KCNH5: variants seen among roughly 807,000 people sequenced by gnomAD.
The protein encoded by KCNH5 is potassium voltage-gated channel subfamily H member 5.
KCNH5 carries 46 observed loss-of-function variants against 96.1 expected under a neutral mutation model. The ratio of observed to expected loss-of-function variants is 0.48; its 90% CI spans 0.38 to 0.61. KCNH5 has a LOEUF of 0.61. Ranked by LOEUF, KCNH5 falls within the 20% of genes least tolerant of loss-of-function variation. The pLI is 0.00. For missense variants in KCNH5, 907 were observed against 1,225.8 expected, an observed-to-expected ratio of 0.74 and a Z score of 3.88; for synonymous variants, 439 against 449.8, an observed-to-expected ratio of 0.98 and a Z score of 0.30.
intron 8 of KCNH5, among the ~76,000 whole-genome samples, chr14:62,822,807 C>T (rs1198918215): frequency 6.6e-6 from 1 of 151,858 alleles, no homozygotes; most frequent in African/African-American, 2.4e-5. Context: ...TAGGTACACA[C>T]ATTAAAAGAA....
chr14:62,945,668 T>C (rs574067402), intron 7 of KCNH5, among the ~76,000 whole-genome samples: 3 of 152,020 alleles, frequency 2.0e-5, no homozygotes, highest in South Asian at 2.1e-4. Flanking sequence ...CAGGTTGGCA[T>C]TGAGGTGTTT....
At chr14:62,908,940 T>C (rs1457284295) in intron 7 of KCNH5, among the ~76,000 whole-genome samples, 1 of 150,638 alleles carries the variant, frequency 6.6e-6, no homozygotes, top group African/African-American at 2.4e-5. Flanking sequence ...CAGGTCCAAA[T>C]GACTCTTTGA....
chr14:62,791,159 G>T (rs1277857928), intron 9 of KCNH5, among the ~76,000 whole-genome samples: 1 of 151,566 alleles, frequency 6.6e-6, no homozygotes, highest in Non-Finnish European at 1.5e-5. Flanking sequence ...GGAAATGAAA[G>T]GATAATAACT....
At chr14:62,770,460 A>G (rs1039017340) in intron 10 of KCNH5, among the ~76,000 whole-genome samples, 1 of 152,220 alleles carries the variant, frequency 6.6e-6, no homozygotes, top group African/African-American at 2.4e-5. Context: ...GATTGCTACT[A>G]CGCTTCTCCA....
At chr14:62,856,608 C>T (rs1887934314) in intron 7 of KCNH5, among the ~76,000 whole-genome samples, 2 of 152,096 alleles carry the variant, frequency 1.3e-5, no homozygotes, top group Admixed American at 6.6e-5. Context: ...GAAATGGCTC[C>T]GGTTGGCCTT....
chr14:62,998,447 A>G (rs1402364435), intron 4 of KCNH5, among the ~76,000 whole-genome samples: 3 of 152,132 alleles, frequency 2.0e-5, no homozygotes, highest in African/African-American at 7.2e-5. Flanking sequence ...CCTGTTGCCC[A>G]GTTCATTGAT....
chr14:62,737,014 T>A (rs1310446246), intron 10 of KCNH5, among the ~76,000 whole-genome samples: 9 of 152,144 alleles, frequency 5.9e-5, no homozygotes, highest in Non-Finnish European at 1.3e-4. Flanking sequence ...CTCATATCCC[T>A]TGGATATCCA....
chr14:62,986,835 A>T (rs1423832114), intron 5 of KCNH5, among the ~76,000 whole-genome samples: 1 of 152,218 alleles, frequency 6.6e-6, no homozygotes, highest in Non-Finnish European at 1.5e-5. Flanking sequence ...GATATGCTCA[A>T]AGAAAACCTT....
At chr14:62,903,336 A>G (rs1284514046) in intron 7 of KCNH5, among the ~76,000 whole-genome samples, 2 of 152,184 alleles carry the variant, frequency 1.3e-5, no homozygotes, top group Admixed American at 6.5e-5. Context: ...TCTCAGGGTG[A>G]AAATATGTCA....
chr14:62,791,841 C>A (rs570791931), intron 9 of KCNH5, among the ~76,000 whole-genome samples: 1 of 151,486 alleles, frequency 6.6e-6, no homozygotes, highest in African/African-American at 2.4e-5. Flanking sequence ...CTTCAATAAC[C>A]CACTTTCAAC....
At chr14:63,017,531 A>G (rs1029502869) in intron 1 of KCNH5, among the ~76,000 whole-genome samples, 1 of 151,862 alleles carries the variant, frequency 6.6e-6, no homozygotes, top group African/African-American at 2.4e-5. Context: ...CAGATAATTT[A>G]GAAACTATCA....
chr14:62,769,060 C>T (rs1404317495), intron 10 of KCNH5, among the ~76,000 whole-genome samples: 1 of 152,202 alleles, frequency 6.6e-6, no homozygotes, highest in Non-Finnish European at 1.5e-5. Context: ...CTCTTTCTAC[C>T]CCCATCAGTG....
chr14:62,974,171 G>A (rs1462428154), intron 6 of KCNH5, among the ~76,000 whole-genome samples: 1 of 152,110 alleles, frequency 6.6e-6, no homozygotes, highest in East Asian at 1.9e-4. Flanking sequence ...CTAAAGCAAT[G>A]CATGAGTTAT....
intron 10 of KCNH5, among the ~76,000 whole-genome samples, chr14:62,769,298 C>T (rs1452814612): frequency 6.6e-6 from 1 of 152,206 alleles, no homozygotes; most frequent in African/African-American, 2.4e-5. Context: ...AGAGCTACTG[C>T]CAGCAGGGCC....
At chr14:62,881,372 C>T (rs1341733686) in intron 7 of KCNH5, among the ~76,000 whole-genome samples, 1 of 151,742 alleles carries the variant, frequency 6.6e-6, no homozygotes, top group African/African-American at 2.4e-5. Context: ...CTATTCAAGC[C>T]ATTATATTTT....
intron 6 of KCNH5, among the ~76,000 whole-genome samples, chr14:62,970,798 G>A (rs542856136): frequency 3.6e-4 from 54 of 151,156 alleles, no homozygotes; most frequent in East Asian, 1.8e-3. Context: ...CTCCAACATC[G>A]ATTCATGATA....
chr14:62,717,968 A>G (rs1375591034), intron 10 of KCNH5, among the ~76,000 whole-genome samples: 1 of 152,214 alleles, frequency 6.6e-6, no homozygotes, highest in African/African-American at 2.4e-5. Context: ...TGTCCTGTGC[A>G]GCAATATGGA....
intron 10 of KCNH5, among the ~76,000 whole-genome samples, chr14:62,746,324 C>T (rs1178741639): frequency 6.6e-6 from 1 of 152,182 alleles, no homozygotes; most frequent in Non-Finnish European, 1.5e-5. Context: ...CATTACAGTA[C>T]AAAATACTAC....
At chr14:62,849,510 T>A in intron 8 of KCNH5, 143 bp downstream of exon 8, 1 of 645,830 alleles carries the variant, frequency 1.5e-6, no homozygotes. Flanking sequence ...TTAATAAATA[T>A]GACTGATTGA....
Sources: allele counts gnomAD v4.1 joint callset (sites outside exome capture counted in the v4.1 genomes callset), GRCh38; gene constraint gnomAD v4.1.1; transcripts MANE v1.5; gene names NCBI Gene and HGNC (gene_info 2026-07-23, HGNC 2026-07-21).